BACE2: variants seen among roughly 807,000 people sequenced by gnomAD.
BACE2 encodes the protein 56 kDa aspartic-like protease.
Under a neutral mutation model 46.2 loss-of-function variants are expected in BACE2, and 17 were observed. That is an observed-to-expected ratio of 0.37 (90% CI 0.25 to 0.55). The LOEUF is 0.55. Among genes scored for constraint, BACE2 ranks in the 20% least tolerant of loss-of-function variants. The pLI, the probability that BACE2 is intolerant of heterozygous loss-of-function variation, is 0.82. For synonymous variants in BACE2, 277 were observed against 295.9 expected (o/e 0.94, Z 0.66); for missense variants, 595 against 698.1 (o/e 0.85, Z 1.66).
chr21:41,248,421 C>G (rs1403961613), intron 6 of BACE2, among the ~76,000 whole-genome samples: 2 of 152,174 alleles, frequency 1.3e-5, no homozygotes, highest in East Asian at 3.9e-4. Flanking sequence ...CCTTGTCCAC[C>G]TGCCGTTGGA....
rs572024843 is a variant in BACE2 at position 41,173,727 on chromosome 21, C to T, written c.312+5152C>T. Among the ~76,000 whole-genome samples the T allele has an allele frequency of 3.9e-5, 6 of 152,192 alleles. No individual in the cohort carries two copies. The South Asian group carries it at 1.2e-3, about 32-fold the overall frequency. Reference sequence around the variant, plus strand: ...TGTCACTGCACTCCAGCCTGGGCAACAGAACGAGACTCTGTCTCGAAAAAA... The same window carrying T: ...TGTCACTGCACTCCAGCCTGGGCAATAGAACGAGACTCTGTCTCGAAAAAA... On this transcript the variant is annotated intron_variant, in intron 1 of 8. Transcript: ENST00000330333.
At chr21:41,250,441 C>A (rs1409170849) in intron 6 of BACE2, among the ~76,000 whole-genome samples, 1 of 152,192 alleles carries the variant, frequency 6.6e-6, no homozygotes, top group Non-Finnish European at 1.5e-5. Flanking sequence ...GCTTTGGTTG[C>A]CTCATCTGTA....
At chr21:41,239,047 C>T (rs997080531) in intron 3 of BACE2, among the ~76,000 whole-genome samples, 3 of 151,208 alleles carry the variant, frequency 2.0e-5, no homozygotes, top group African/African-American at 7.3e-5. Flanking sequence ...TCACCTTGCT[C>T]AGCGTTAGGC....
chr21:41,265,126 T>C (rs1038118617), intron 8 of BACE2, among the ~76,000 whole-genome samples: 1 of 152,058 alleles, frequency 6.6e-6, no homozygotes, highest in East Asian at 1.9e-4. Context: ...ATATAGCACA[T>C]AGTCCCACTC....
intron 6 of BACE2, among the ~76,000 whole-genome samples, chr21:41,246,838 T>C (rs1250501121): frequency 6.6e-6 from 1 of 152,208 alleles, no homozygotes; most frequent in Admixed American, 6.5e-5. Context: ...CGAGGGGTTT[T>C]GTGCCCTCTG....
rs536572709 is a variant in BACE2 at position 41,279,094 on chromosome 21, G to A, written c.*3470G>A. 1 of 152,032 alleles carries A rather than the reference G, an allele frequency of 6.6e-6. No individual in the cohort carries two copies. Among genetic ancestry groups the A allele is most frequent in the South Asian group, 2.1e-4 (1 of 4,818 alleles). 9.4% of individuals were successfully genotyped at this position (152,032 alleles called of 1,614,324 possible). A position where few individuals can be genotyped will look rare whatever the true frequency, so the allele number is the denominator to read the frequency against. Reference sequence around the variant, plus strand: ...AAATTAGGGGTTCTGGCCAAGAGAGGTACTAGATTTTTTTAATGCCGAGAA... The same window carrying A: ...AAATTAGGGGTTCTGGCCAAGAGAGATACTAGATTTTTTTAATGCCGAGAA... On this transcript the variant is annotated 3_prime_UTR_variant, in exon 9 of 9. Coordinates refer to ENST00000330333, the MANE Select transcript of BACE2 (RefSeq NM_012105.5).
chr21:41,259,507 C>T (rs924269650), intron 8 of BACE2, among the ~76,000 whole-genome samples: 10 of 151,158 alleles, frequency 6.6e-5, no homozygotes, highest in South Asian at 2.1e-4. Flanking sequence ...CCTTAAGTTA[C>T]AGAAAATCAT....
intron 1 of BACE2, among the ~76,000 whole-genome samples, chr21:41,170,425 A>C (rs1215710791): frequency 2.0e-5 from 3 of 152,182 alleles, no homozygotes; most frequent in Non-Finnish European, 4.4e-5. Context: ...ACAGAGACAG[A>C]TTTAATTTTT....
intron 1 of BACE2, chr21:41,183,596 G>C (rs960788514): frequency 1.8e-4 from 30 of 167,100 alleles, no homozygotes; most frequent in African/African-American, 7.0e-4. Context: ...GAAGCAAACT[G>C]CATTGCTCAA....
chr21:41,275,208 G>C (rs755453866), intron 8 of BACE2, among the ~76,000 whole-genome samples, 163 bp from the exon 9 acceptor site: 1 of 152,122 alleles, frequency 6.6e-6, no homozygotes, highest in African/African-American at 2.4e-5. Flanking sequence ...CCAAAGGCAC[G>C]CTGAGCCGTG....
chr21:41,272,904 C>T (rs1216951117), intron 8 of BACE2, among the ~76,000 whole-genome samples: 2 of 152,102 alleles, frequency 1.3e-5, no homozygotes. Flanking sequence ...AACCTGCCCC[C>T]GATAATTCAA....
chr21:41,192,843 C>T (rs974930575), intron 1 of BACE2, among the ~76,000 whole-genome samples: 11 of 152,210 alleles, frequency 7.2e-5, no homozygotes, highest in Non-Finnish European at 5.9e-5. Flanking sequence ...GTGTTCCCTC[C>T]GAAATCCAGA....
At chr21:41,189,415 T>A (rs771493781) in intron 1 of BACE2, among the ~76,000 whole-genome samples, 2 of 152,224 alleles carry the variant, frequency 1.3e-5, no homozygotes, top group Non-Finnish European at 2.9e-5. Flanking sequence ...GTTTTCAGGA[T>A]CACTTTCTTT....
intron 1 of BACE2, among the ~76,000 whole-genome samples, chr21:41,169,470 C>G (rs891728049): frequency 1.3e-5 from 2 of 150,548 alleles, no homozygotes; most frequent in Non-Finnish European, 2.9e-5. Flanking sequence ...AAAAAAAATC[C>G]CAATTGATCT....
At chr21:41,192,692 G>C (rs1050217427) in intron 1 of BACE2, among the ~76,000 whole-genome samples, 6 of 152,248 alleles carry the variant, frequency 3.9e-5, no homozygotes, top group African/African-American at 1.2e-4. Context: ...CTGCTGGGTC[G>C]TATGGCCCAA....
intron 2 of BACE2, chr21:41,230,115 G>A (rs1986931027): frequency 6.6e-6 from 1 of 152,112 alleles, no homozygotes; most frequent in African/African-American, 2.4e-5. Context: ...GCACCTTTTG[G>A]GTGTCTACCC....
chr21:41,174,725 G>A (rs1305975819), intron 1 of BACE2, among the ~76,000 whole-genome samples: 1 of 152,142 alleles, frequency 6.6e-6, no homozygotes, highest in Non-Finnish European at 1.5e-5. Context: ...GCTGGTGAGT[G>A]AGGTCCCTCT....
intron 1 of BACE2, among the ~76,000 whole-genome samples, chr21:41,215,114 A>G (rs1986420074): frequency 1.3e-5 from 2 of 152,132 alleles, no homozygotes; most frequent in South Asian, 2.1e-4. Context: ...TTGGCCGGCC[A>G]TGGAGAGCTG....
At chr21:41,274,353 T>C (rs569893954) in intron 8 of BACE2, among the ~76,000 whole-genome samples, 2 of 152,358 alleles carry the variant, frequency 1.3e-5, no homozygotes, top group Admixed American at 1.3e-4. Context: ...ATTTTGACTT[T>C]TTCTTTCCTC....
Sources: allele counts gnomAD v4.1 joint callset (sites outside exome capture counted in the v4.1 genomes callset), GRCh38; gene constraint gnomAD v4.1.1; transcripts MANE v1.5; gene names NCBI Gene and HGNC (gene_info 2026-07-23, HGNC 2026-07-21).